CABIN1: variants seen among roughly 807,000 people sequenced by gnomAD.
CABIN1 encodes calcineurin binding protein 1.
A neutral mutation model predicts 227.7 loss-of-function variants in CABIN1; 133 were observed. The observed-to-expected ratio is 0.58, with a 90% CI of 0.51 to 0.67. The LOEUF is 0.67. Among genes scored for constraint, CABIN1 ranks in the 30% least tolerant of loss-of-function variants. The pLI is 0.00. For missense variants in CABIN1, 2,408 were observed against 2,852.5 expected (o/e 0.84, Z 3.55); for synonymous variants, 1,086 against 1,155.1 (o/e 0.94, Z 1.21).
At chr22:24,152,630 A>G (rs79318089) in intron 29 of CABIN1, among the ~76,000 whole-genome samples, 8,082 of 152,228 alleles carry the variant, frequency 0.053, 331 homozygotes, top group Middle Eastern at 0.082. Context: ...GACTGTTAAC[A>G]CTGAGGAACA....
intron 24 of CABIN1, among the ~76,000 whole-genome samples, chr22:24,095,121 A>T (rs1452750139): frequency 1.3e-5 from 2 of 152,166 alleles, no homozygotes; most frequent in South Asian, 4.1e-4. Flanking sequence ...TCTGTCTGGG[A>T]TGCCTCCTTG....
chr22:24,087,611 C>T lies in CABIN1; in HGVS notation c.3423C>T (p.Ser1141=). 1 of 1,614,188 alleles carries T rather than the reference C, an allele frequency of 6.2e-7. No individual in the cohort carries two copies. ...RALEIDSSNL[S]LWIEYGTMSY... is the part of the protein sequence containing the mutation. ...TGGAGATTGACAGCTCCAACTTGTC[C>T]CTATGGATTGAGTATGGCACCATGT... Residue 1141 remains serine, a synonymous_variant, in exon 23 of 37, where the codon TCC becomes TCT. Coordinates refer to ENST00000263119, the MANE Select transcript of CABIN1 (RefSeq NM_012295.4).
In CABIN1 at chr22:24,091,571, ATCT is replaced by A. The variant is rs776534410; in HGVS notation, c.3526-7_3526-5del. ...GGCGTAAGGCCAGCCCAGTCTCATGATCTTCTTACAGATGGAGGGCCGGCGCGA... is the reference window on the plus strand; with the variant it reads ...GGCGTAAGGCCAGCCCAGTCTCATGATCTTACAGATGGAGGGCCGGCGCGA... On this transcript the variant is annotated splice_polypyrimidine_tract_variant and intron_variant, in intron 23 of 36. Transcript: ENST00000263119. 5 of 1,614,188 alleles carry A rather than the reference ATCT, an allele frequency of 3.1e-6. No individual in the cohort carries two copies. Among genetic ancestry groups the A allele is most frequent in the East Asian group, 4.5e-5 (2 of 44,888 alleles).
intron 8 of CABIN1, among the ~76,000 whole-genome samples, chr22:24,054,259 A>G (rs147632363): frequency 1.2e-4 from 19 of 152,314 alleles, no homozygotes; most frequent in African/African-American, 4.6e-4. Flanking sequence ...AACACAACAC[A>G]CAACACGGAA....
chr22:24,175,983 C>T, intron 34 of CABIN1, 128 bp from the exon 35 acceptor site: 1 of 1,111,130 alleles, frequency 9.0e-7, no homozygotes, highest in Non-Finnish European at 1.3e-6. Context: ...GCCAGGACCC[C>T]AGCATTGGCC....
At chr22:24,044,143 T>C (rs2037657086) in intron 6 of CABIN1, among the ~76,000 whole-genome samples, 2 of 152,190 alleles carry the variant, frequency 1.3e-5, no homozygotes, top group Non-Finnish European at 2.9e-5. Context: ...CCTAAGATGC[T>C]AGGTTGAGAC....
chr22:24,163,506 A>G (rs1006018827), intron 29 of CABIN1, among the ~76,000 whole-genome samples: 15 of 152,104 alleles, frequency 9.9e-5, no homozygotes, highest in African/African-American at 3.1e-4. Flanking sequence ...AGGAGAAAGC[A>G]ATGTCACTCA....
intron 24 of CABIN1, 63 bp from the exon 25 acceptor site, chr22:24,095,867 TG>T: frequency 6.3e-7 from 1 of 1,591,682 alleles, no homozygotes; most frequent in South Asian, 1.1e-5. Flanking sequence ...TGTGGCTGAC[TG>T]GCCTGTGGAA....
chr22:24,038,467 G>T lies in CABIN1; in HGVS notation c.210+6G>T, dbSNP rs2037101869. On this transcript the variant is annotated splice_donor_region_variant and intron_variant, in intron 4 of 36. Transcript: ENST00000263119. ...AGGCGAGCCTGCTGCGGGAGGTGAG[G>T]CATCAGCAGGCCAGGCAGTGTGCCG... The T allele has an allele frequency of 6.2e-7, 1 of 1,600,738 alleles. No homozygotes were observed. The highest frequency in any genetic ancestry group is 1.3e-5 in the African/African-American group (1 of 74,666).
At chr22:24,157,634 C>T (rs375806561) in intron 29 of CABIN1, among the ~76,000 whole-genome samples, 3 of 152,196 alleles carry the variant, frequency 2.0e-5, no homozygotes, top group Non-Finnish European at 2.9e-5. Context: ...TTGCCCTACA[C>T]GCCCCACGCC....
At chr22:24,169,078 G>C (rs148504335) in intron 33 of CABIN1, among the ~76,000 whole-genome samples, 1 of 152,054 alleles carries the variant, frequency 6.6e-6, no homozygotes, top group Non-Finnish European at 1.5e-5. Flanking sequence ...GGGAGGGGGG[G>C]GCGGGGTCCA....
chr22:24,027,004 C>T (rs2036141355), intron 1 of CABIN1, among the ~76,000 whole-genome samples: 1 of 152,174 alleles, frequency 6.6e-6, no homozygotes, highest in Non-Finnish European at 1.5e-5. Flanking sequence ...GTTGAATCTT[C>T]CAGTTCTTCA....
At chr22:24,140,286 A>C (rs919134095) in intron 29 of CABIN1, among the ~76,000 whole-genome samples, 1 of 152,230 alleles carries the variant, frequency 6.6e-6, no homozygotes, top group African/African-American at 2.4e-5. Flanking sequence ...ACAGCAGCAC[A>C]GATGGACGTG....
chr22:24,167,317 G>A lies in CABIN1; in HGVS notation c.5682+4G>A, dbSNP rs2046510429. 1.1e-5 allele frequency: 17 copies of A among 1,610,920 alleles called. No individual in the cohort carries two copies. Among genetic ancestry groups the A allele is most frequent in the Admixed American group, 1.7e-5 (1 of 59,816 alleles). On this transcript the variant is annotated splice_donor_region_variant and intron_variant, in intron 32 of 36. Transcript: ENST00000263119. ...GACCTACATGCTCATCAAGCAGGTG[G>A]GTGGCAGGCAGAGGCCTGGGGGCAC...
chr22:24,159,631 G>T (rs2046035826), intron 29 of CABIN1, among the ~76,000 whole-genome samples: 1 of 152,136 alleles, frequency 6.6e-6, no homozygotes, highest in Admixed American at 6.5e-5. Flanking sequence ...TCTTGCTTGA[G>T]CCTCACGTGG....
intron 29 of CABIN1, among the ~76,000 whole-genome samples, chr22:24,135,810 G>A (rs957798820): frequency 1.3e-5 from 2 of 152,172 alleles, no homozygotes; most frequent in African/African-American, 2.4e-5. Context: ...GGTCTGGAGG[G>A]GTGTAACAGG....
intron 1 of CABIN1, among the ~76,000 whole-genome samples, chr22:24,030,988 T>G (rs1311751752): frequency 2.6e-5 from 4 of 152,160 alleles, no homozygotes; most frequent in African/African-American, 4.8e-5. Context: ...TTTGAGACAT[T>G]ACTTAGGAAG....
chr22:24,110,131 A>G (rs1273250061), intron 26 of CABIN1, among the ~76,000 whole-genome samples: 8 of 152,166 alleles, frequency 5.3e-5, no homozygotes, highest in African/African-American at 1.4e-4. Flanking sequence ...AGATCGTGCA[A>G]TTGCACTCCA....
intron 1 of CABIN1, among the ~76,000 whole-genome samples, chr22:24,034,004 A>T (rs1480776489): frequency 6.6e-6 from 1 of 152,246 alleles, no homozygotes; most frequent in African/African-American, 2.4e-5. Context: ...TCCACGGACC[A>T]GAGGCAGAGG....
Sources: gnomAD v4.1 joint callset for allele counts (sites outside exome capture counted in the v4.1 genomes callset) on GRCh38, gnomAD v4.1.1 for gene constraint, MANE v1.5 for transcripts, NCBI Gene and HGNC (gene_info 2026-07-23, HGNC 2026-07-21) for gene names.